Variants in RACGAP1 observed in about 807,000 individuals in gnomAD.
RACGAP1 encodes the protein Rac GTPase activating protein 1, also known as rac GTPase-activating protein 1.
In RACGAP1, 30 loss-of-function variants were observed where a neutral mutation model predicts 78.1. That is an observed-to-expected ratio of 0.38 (90% CI 0.29 to 0.52). RACGAP1 has a LOEUF of 0.52. Ranked by LOEUF, RACGAP1 falls within the 20% of genes least tolerant of loss-of-function variation. RACGAP1 has a pLI of 0.82. For missense variants in RACGAP1, 587 were observed against 777.1 expected (o/e 0.76, Z 2.91); for synonymous variants, 231 against 264.8 (o/e 0.87, Z 1.24).
At chr12:50,025,548 T>TACGC (rs1950243819), upstream of RACGAP1, 11 of 985,270 alleles carry the variant, frequency 1.1e-5, no homozygotes, top group South Asian at 5.2e-4. Context: ...CCCTCTACGG[T>TACGC]GTGACGTACG....
At chr12:50,005,445 A>C in intron 3 of RACGAP1, 53 bp from the exon 4 acceptor site, 1 of 1,601,504 alleles carries the variant, frequency 6.2e-7, no homozygotes, top group Non-Finnish European at 8.5e-7. Context: ...AGAAAGCTTC[A>C]CCTCAAGTTT....
At chr12:50,018,118 AC>A (rs1325718024) in intron 1 of RACGAP1, among the ~76,000 whole-genome samples, 3 of 150,188 alleles carry the variant, frequency 2.0e-5, no homozygotes, top group African/African-American at 7.3e-5. Context: ...AGATGGTGCC[AC>A]TGCACTCCAG....
chr12:50,016,153 G>A (rs896817496), intron 2 of RACGAP1, among the ~76,000 whole-genome samples: 8 of 152,100 alleles, frequency 5.3e-5, no homozygotes, highest in Non-Finnish European at 7.4e-5. Context: ...AGGCCGAGGC[G>A]GGCGGATCAC....
intron 10 of RACGAP1, among the ~76,000 whole-genome samples, chr12:49,996,200 G>A (rs1948252643): frequency 6.6e-6 from 1 of 152,016 alleles, no homozygotes; most frequent in East Asian, 1.9e-4. Flanking sequence ...TGTAGTCCCA[G>A]CAACTTGGGA....
chr12:50,016,914 C>A, intron 1 of RACGAP1, 195 bp from the exon 2 acceptor site: 1 of 1,342,698 alleles, frequency 7.4e-7, no homozygotes, highest in Non-Finnish European at 9.5e-7. Context: ...TAAGACTCAT[C>A]TGAAAATTAG....
intron 6 of RACGAP1, 138 bp from the exon 7 acceptor site, chr12:50,001,390 T>G: frequency 1.8e-6 from 1 of 553,918 alleles, no homozygotes; most frequent in South Asian, 2.7e-5. Flanking sequence ...GTGTTCTCTC[T>G]CTCTCTCTCT....
chr12:50,015,637 T>C (rs939776052), intron 2 of RACGAP1, among the ~76,000 whole-genome samples: 1 of 151,870 alleles, frequency 6.6e-6, no homozygotes, highest in Middle Eastern at 3.4e-3. Context: ...CCGTCTCTAC[T>C]GAAAATACAA....
At chr12:49,998,756 G>A (rs898301720) in intron 9 of RACGAP1, among the ~76,000 whole-genome samples, 3 of 151,764 alleles carry the variant, frequency 2.0e-5, no homozygotes, top group Admixed American at 1.3e-4. Flanking sequence ...AAAATTAGCC[G>A]GGCGTGGTGG....
In RACGAP1 at chr12:49,999,698, A is replaced by T. The variant is rs1354281469; in HGVS notation, c.666T>A (p.Thr222=). The T allele has an allele frequency of 1.2e-6, 2 of 1,614,236 alleles. No homozygotes were observed. Among genetic ancestry groups the T allele is most frequent in the Non-Finnish European group, 1.7e-6 (2 of 1,180,032 alleles). ...NESIVAKTTV[T]VPNDGGPIEA... ...CGATGGGCCCGCCATCATTGGGAAC[A>T]GTCACTGTAGTTTTTGCAACTATGG... Residue 222 remains threonine (T), a synonymous_variant, in exon 8 of 17, where the codon ACT becomes ACA. Coordinates refer to ENST00000312377, the MANE Select transcript of RACGAP1 (RefSeq NM_001319999.2).
At chr12:49,991,955 AAGAG>A (rs1257374873) in intron 15 of RACGAP1, 39 bp downstream of exon 15, 2 of 1,606,126 alleles carry the variant, frequency 1.2e-6, no homozygotes, top group Non-Finnish European at 1.7e-6. Context: ...ACTAAAACTA[AAGAG>A]AGAGTCAAGT....
intron 6 of RACGAP1, 111 bp from the exon 7 acceptor site, chr12:50,001,363 AG>A (rs1948664883): frequency 1.4e-6 from 1 of 707,580 alleles, no homozygotes; most frequent in South Asian, 2.0e-5. Context: ...TTAGGGCTAC[AG>A]TAAATAACAA....
At position 50,002,294 on chromosome 12, in the gene RACGAP1, C is replaced by A. The variant is rs764213023; in HGVS notation, c.502G>T (p.Asp168Tyr). Residue 168 changes from aspartate (D) to tyrosine (Y), a missense_variant, in exon 6 of 17, where the codon GAC becomes TAC. Asp to Tyr is a radical substitution (Grantham distance 160, BLOSUM62 -3). Transcript: ENST00000312377. The stretch of plus-strand genomic sequence containing the variant: ...TTGAAAGTCTTCACCAAAGAAGAGT[C>A]CCAATCCTGTTGACAATTACACTGT... ...FDKTDESLDW[D>Y]SSLVKTFKLK... 6.2e-7 allele frequency: 1 copy of A among 1,613,186 alleles called. No homozygotes were observed. The highest frequency in any genetic ancestry group is 8.5e-7 in the Non-Finnish European group (1 of 1,179,470).
At chr12:50,009,831 T>A (rs1949203301) in intron 2 of RACGAP1, among the ~76,000 whole-genome samples, 1 of 152,242 alleles carries the variant, frequency 6.6e-6, no homozygotes, top group Non-Finnish European at 1.5e-5. Context: ...CCAAATGGAA[T>A]GCCCTACCTA....
Position 49,999,589 on chromosome 12 carries a change from G to T in RACGAP1, c.748+27C>A, listed in dbSNP as rs378943. On this transcript the variant is annotated intron_variant, in intron 8 of 16. Coordinates refer to ENST00000312377, the MANE Select transcript of RACGAP1 (RefSeq NM_001319999.2). ...AAATTTTGCTAGTTGTTTTACACAG[G>T]CCAGTTTAGTCACAAATTCAATGGA... 1,400,813 of 1,584,536 alleles carry T rather than the reference G, an allele frequency of 0.88. 635,513 individuals are homozygous for T. The highest frequency in any genetic ancestry group is 0.93 in the Non-Finnish European group (1,069,701 of 1,153,910).
chr12:50,010,216 G>A (rs1949228028), intron 2 of RACGAP1, among the ~76,000 whole-genome samples: 1 of 151,640 alleles, frequency 6.6e-6, no homozygotes, highest in African/African-American at 2.4e-5. Context: ...GTGTGGACTG[G>A]AGAAAACAAG....
upstream of RACGAP1, among the ~76,000 whole-genome samples, chr12:50,027,143 A>G (rs1250680078): frequency 6.6e-6 from 1 of 152,208 alleles, no homozygotes; most frequent in African/African-American, 2.4e-5. Context: ...CAAAGTTTAT[A>G]CTTGGTAAAC....
intron 1 of RACGAP1, chr12:50,019,866 T>A (rs1057275441): frequency 6.6e-6 from 1 of 152,134 alleles, no homozygotes; most frequent in African/African-American, 2.4e-5. Flanking sequence ...ACAAAAATTT[T>A]AAAATGTATA....
upstream of RACGAP1, among the ~76,000 whole-genome samples, chr12:50,027,387 G>A (rs1042704031): frequency 6.6e-6 from 1 of 152,154 alleles, no homozygotes; most frequent in Non-Finnish European, 1.5e-5. Context: ...AATCCTATCT[G>A]GGGAGTGGGA....
At position 49,999,198 on chromosome 12, in the gene RACGAP1, ACTGT is replaced by A; in HGVS notation, c.818_821del (p.Asp273ValfsTer34). On this transcript the variant is annotated frameshift_variant, in exon 9 of 17. Coordinates refer to ENST00000312377, the MANE Select transcript of RACGAP1 (RefSeq NM_001319999.2). LOFTEE classifies it high-confidence loss of function. ...CTCCATTACTCTGTGGCGTGCCCAC[ACTGT>A]CTGTCTCAGTTCTTGGCTCCAGCTG... is the stretch of plus-strand genomic sequence containing the variant. 6.2e-7 allele frequency: 1 copy of A among 1,614,132 alleles called. No homozygotes were observed. Among genetic ancestry groups the A allele is most frequent in the Non-Finnish European group, 8.5e-7 (1 of 1,180,020 alleles).
Sources: gnomAD v4.1 joint callset for allele counts (sites outside exome capture counted in the v4.1 genomes callset) on GRCh38, gnomAD v4.1.1 for gene constraint, MANE v1.5 for transcripts, NCBI Gene and HGNC (gene_info 2026-07-23, HGNC 2026-07-21) for gene names.